Variants in ATP1A3 observed in about 807,000 individuals in gnomAD.
The protein encoded by ATP1A3 is sodium/potassium-transporting ATPase subunit alpha-3.
Under a neutral mutation model 108.8 loss-of-function variants are expected in ATP1A3, and 12 were observed. That is an observed-to-expected ratio of 0.11 (90% CI 0.07 to 0.18). The LOEUF (loss-of-function observed/expected upper bound fraction) is 0.18. Ranked by LOEUF, ATP1A3 falls within the 10% of genes least tolerant of loss-of-function variation. ATP1A3 has a pLI of 1.00. For missense variants in ATP1A3, 498 were observed against 1,387.7 expected, an observed-to-expected ratio of 0.36 and a Z score of 10.19; for synonymous variants, 539 against 564.5, an observed-to-expected ratio of 0.95 and a Z score of 0.64.
At chr19:41,993,627 G>A (rs1555868099) in intron 1 of ATP1A3, 2 of 751,650 alleles carry the variant, frequency 2.7e-6, no homozygotes, top group Non-Finnish European at 2.1e-6. Flanking sequence ...GGACCTATCC[G>A]CACCCTGCCA....
At position 41,988,155 on chromosome 19, in the gene ATP1A3, C is replaced by G; in HGVS notation, c.154-16G>C. ...GGGTCAAACCCTGAGGGACAGAGGA[C>G]TCACACAGAACCCTCCCTGGGCAAC... On this transcript the variant is annotated splice_polypyrimidine_tract_variant and intron_variant, in intron 3 of 22. Coordinates refer to ENST00000648268, the MANE Select transcript of ATP1A3 (RefSeq NM_152296.5). This position sits in a 1 kb window ranked among gnomAD's most constrained non-coding sequence, Gnocchi z 5.3. The G allele has an allele frequency of 6.2e-7, 1 of 1,614,130 alleles. No individual in the cohort carries two copies. The highest frequency in any genetic ancestry group is 8.5e-7 in the Non-Finnish European group (1 of 1,180,004).
At chr19:41,984,780 C>A in intron 8 of ATP1A3, 138 bp downstream of exon 8, 2 of 1,018,138 alleles carry the variant, frequency 2.0e-6, no homozygotes, top group East Asian at 2.7e-5. Context: ...AGCCCCTCCT[C>A]CCCCAGACAC....
intron 1 of ATP1A3, chr19:41,993,389 C>T (rs1555868031): frequency 2.6e-6 from 4 of 1,535,666 alleles, no homozygotes; most frequent in African/African-American, 1.4e-5. Flanking sequence ...CTCAGTCTCC[C>T]CACCGTGGCT....
At chr19:41,987,601 G>A (rs2075298847) in intron 4 of ATP1A3, among the ~76,000 whole-genome samples, 1 of 152,120 alleles carries the variant, frequency 6.6e-6, no homozygotes. Context: ...CAGCAGCGGG[G>A]TGTGCCTGGG....
rs1555859558 is a variant in ATP1A3 at position 41,970,361 on chromosome 19, G to A, written c.2418+27C>T. On this transcript the variant is annotated intron_variant, in intron 17 of 22. Coordinates refer to ENST00000648268, the MANE Select transcript of ATP1A3 (RefSeq NM_152296.5). ...AGAGGGGAGGACTCCACCCTCCTGG[G>A]CCCCAAGGGTGGCTGCCAGGGCTCA... is the stretch of plus-strand genomic sequence containing the variant. 3.1e-6 allele frequency: 5 copies of A among 1,613,612 alleles called. No homozygotes were observed. In the Admixed American group the frequency reaches 6.7e-5, roughly 22 times the overall value.
Position 41,985,050 on chromosome 19 carries a change from G to A in ATP1A3, c.861C>T (p.Gly287=), listed in dbSNP as rs539729675. 9.3e-6 allele frequency: 15 copies of A among 1,613,948 alleles called. No individual in the cohort carries two copies. Among genetic ancestry groups the A allele is most frequent in the African/African-American group, 5.3e-5 (4 of 75,072 alleles). Residue 287 remains glycine, a synonymous_variant, in exon 8 of 23, where the codon GGC becomes GGT. Coordinates refer to ENST00000648268, the MANE Select transcript of ATP1A3 (RefSeq NM_152296.5). The surrounding 1 kb of genome is among the most constrained non-coding windows in gnomAD (Gnocchi z 8.2). ...AGGAGACACCCAGGAAGACAGCCAC[G>A]CCGGTGATGAGCTGGATGAAGTGCT... ...EIEHFIQLIT[G]VAVFLGVSFF...
rs150943961 is a variant in ATP1A3, at chr19:41,970,481, C to T, written c.2325G>A (p.Pro775=). 6.4e-5 allele frequency: 103 copies of T among 1,613,968 alleles called. No homozygotes were observed. Among genetic ancestry groups the T allele is most frequent in the East Asian group, 3.3e-4 (15 of 44,882 alleles). Residue 775 remains proline, a synonymous_variant, in exon 17 of 23, where the codon CCG becomes CCA. Transcript: ENST00000648268. ...SIAYTLTSNI[P]EITPFLLFIM... is the part of the protein sequence containing the mutation. ...TGAACAGCAGGAAGGGCGTGATCTC[C>T]GGGATATTGCTGGTCAGGGTGTAGG...
chr19:41,987,977 C>T lies in ATP1A3; in HGVS notation c.316G>A (p.Gly106Ser), dbSNP rs782154879. 3.7e-6 allele frequency: 6 copies of T among 1,614,058 alleles called. No homozygotes were observed. Among genetic ancestry groups the T allele is most frequent in the East Asian group, 2.2e-5 (1 of 44,878 alleles). The change falls in exon 4 of 23, where the codon GGT (glycine) becomes AGT (serine). Residue 106 changes from glycine to serine, a missense_variant. Physicochemically the swap from Gly to Ser is moderately conservative, Grantham distance 56. Around this residue, in one of 9 missense-constraint regions of ATP1A3, gnomAD observed 127 missense variants for 464.0 expected, o/e 0.27. Transcript: ENST00000648268. Reference sequence around the variant, plus strand: ...TCGTCCTCGGTGCCCGCCTGGATACCGTAGGCCAGGAAGCAGAGGATAGCC... The same window carrying T: ...TCGTCCTCGGTGCCCGCCTGGATACTGTAGGCCAGGAAGCAGAGGATAGCC... ...IGAILCFLAY[G>S]IQAGTEDDPS... is the part of the protein sequence containing the mutation.
chr19:41,980,278 C>A (rs2075216279), intron 11 of ATP1A3, among the ~76,000 whole-genome samples: 1 of 152,214 alleles, frequency 6.6e-6, no homozygotes, highest in Admixed American at 6.5e-5. Flanking sequence ...GTACACCCAG[C>A]ACCCAAAACA....
At chr19:41,969,030 G>T in intron 19 of ATP1A3, 115 bp from the exon 20 acceptor site, 1 of 1,491,698 alleles carries the variant, frequency 6.7e-7, no homozygotes, top group South Asian at 1.2e-5. Flanking sequence ...GGTCCTCAGG[G>T]CCTCAGGTGT....
At chr19:41,975,225 G>A (rs1237246236) in intron 16 of ATP1A3, among the ~76,000 whole-genome samples, 3 of 152,158 alleles carry the variant, frequency 2.0e-5, no homozygotes, top group African/African-American at 7.2e-5. Flanking sequence ...CTAATTTTTT[G>A]TATTTTTAGT....
chr19:41,974,388 A>G (rs1300412817), intron 16 of ATP1A3, among the ~76,000 whole-genome samples: 2 of 152,172 alleles, frequency 1.3e-5, no homozygotes, highest in Non-Finnish European at 2.9e-5. Flanking sequence ...GGCTGCAGTT[A>G]GCCGTGATTG....
Position 41,966,880 on chromosome 19 carries a change from G to T in ATP1A3, c.*57C>A, listed in dbSNP as rs1555858683. The T allele has an allele frequency of 1.3e-6, 2 of 1,550,644 alleles. No individual in the cohort carries two copies. The highest frequency in any genetic ancestry group is 3.9e-5 in the Admixed American group (2 of 50,984). ...GAATACAAAATTGGGGGGACTGACA[G>T]GGGCGGTCCTGGGCCTGGGGGACGG... On this transcript the variant is annotated 3_prime_UTR_variant, in exon 23 of 23. Coordinates refer to ENST00000648268, the MANE Select transcript of ATP1A3 (RefSeq NM_152296.5).
At position 41,967,229 on chromosome 19, in the gene ATP1A3, G is replaced by A. The variant is rs782635671; in HGVS notation, c.3013+20C>T. ...CTGCTGCCCCCCGCCCCCCTCGGCT[G>A]CCTTGCCGAGCTCCCTCACCCCCTG... On this transcript the variant is annotated intron_variant, in intron 22 of 22. Coordinates refer to ENST00000648268, the MANE Select transcript of ATP1A3 (RefSeq NM_152296.5). The surrounding 1 kb of genome is among the most constrained non-coding windows in gnomAD (Gnocchi z 4.2). 6.2e-7 allele frequency: 1 copy of A among 1,614,008 alleles called. No homozygotes were observed. The highest frequency in any genetic ancestry group is 1.1e-5 in the South Asian group (1 of 91,084).
In ATP1A3 at chr19:41,977,092, G is replaced by C. The variant is rs186593309; in HGVS notation, c.1944-526C>G. Among the ~76,000 whole-genome samples, 267 of 151,878 alleles carry C rather than the reference G, an allele frequency of 1.8e-3. 1 individual carries two copies. The highest frequency in any genetic ancestry group is 6.1e-3 in the African/African-American group (253 of 41,414). ...CAAAATGCTGGGATTACAGGCGTGA[G>C]CCACTGCGCCCAGCCAAGACACAGT... On this transcript the variant is annotated intron_variant, in intron 14 of 22. Transcript: ENST00000648268.
chr19:41,987,925 C>T lies in ATP1A3; in HGVS notation c.357+11G>A. 6.2e-7 allele frequency: 1 copy of T among 1,612,998 alleles called. No homozygotes were observed. Among genetic ancestry groups the T allele is most frequent in the Non-Finnish European group, 8.5e-7 (1 of 1,179,940 alleles). ...GCAGAGCCTTGCACAGGGCAGGGTC[C>T]AGGCACTCACGTTGTCACCAGAGGG... On this transcript the variant is annotated intron_variant, in intron 4 of 22. Transcript: ENST00000648268.
At chr19:41,972,680 G>A (rs1446875452) in intron 16 of ATP1A3, among the ~76,000 whole-genome samples, 3 of 150,810 alleles carry the variant, frequency 2.0e-5, no homozygotes, top group Non-Finnish European at 3.0e-5. Context: ...CAGAAGAATC[G>A]CTTGAAGCTG....
chr19:41,986,229 G>A lies in ATP1A3; in HGVS notation c.358C>T (p.Leu120=). 1 of 1,613,832 alleles carries A rather than the reference G, an allele frequency of 6.2e-7. No individual in the cohort carries two copies. Residue 120 remains leucine (L), a splice_region_variant and synonymous_variant, in exon 5 of 23, where the codon CTG becomes TTG. Coordinates refer to ENST00000648268, the MANE Select transcript of ATP1A3 (RefSeq NM_152296.5). Reference sequence around the variant, plus strand: ...GCCGCCAGCACGATGCCCAGGTACAGCTGTGGGGAGATGTGGGGATGTTGA... The same window carrying A: ...GCCGCCAGCACGATGCCCAGGTACAACTGTGGGGAGATGTGGGGATGTTGA... ...GTEDDPSGDN[L]YLGIVLAAVV... is the part of the protein sequence containing the mutation.
rs2075233238 is a variant in ATP1A3 at position 41,981,664 on chromosome 19, G to A, written c.1303-28C>T. The A allele has an allele frequency of 6.2e-7, 1 of 1,614,202 alleles. No individual in the cohort carries two copies. The highest frequency in any genetic ancestry group is 8.5e-7 in the Non-Finnish European group (1 of 1,180,028). ...GCAAGGAGAAAGGGTTGTCAGAACA[G>A]GGACAGCTGAGGGGAGGACACAGGC... On this transcript the variant is annotated intron_variant, in intron 10 of 22. Coordinates refer to ENST00000648268, the MANE Select transcript of ATP1A3 (RefSeq NM_152296.5). The surrounding 1 kb of genome is among the most constrained non-coding windows in gnomAD (Gnocchi z 5.0).
Sources: allele counts gnomAD v4.1 joint callset (sites outside exome capture counted in the v4.1 genomes callset), GRCh38; gene constraint gnomAD v4.1.1; regional missense constraint gnomAD v4.1.1; non-coding constraint Gnocchi (gnomAD v3.1); transcripts MANE v1.5; gene names NCBI Gene and HGNC (gene_info 2026-07-23, HGNC 2026-07-21).